The following DAAM2 variants were observed in gnomAD, a reference collection of about 807,000 sequenced individuals.
DAAM2 encodes dishevelled associated activator of morphogenesis 2.
Under a neutral mutation model 120.7 loss-of-function variants are expected in DAAM2, and 39 were observed. The ratio of observed to expected loss-of-function variants is 0.32; its 90% CI spans 0.25 to 0.42. The LOEUF is 0.42. DAAM2 is among the 10% of genes least tolerant of loss of function. The probability of loss-of-function intolerance (pLI) is 1.00; values close to 1 mark genes in which losing one functional copy is unlikely to be tolerated. For missense variants in DAAM2, 1,283 were observed against 1,401.7 expected (o/e 0.92, Z 1.35); for synonymous variants, 488 against 524.9 (o/e 0.93, Z 0.96).
intron 1 of DAAM2, among the ~76,000 whole-genome samples, chr6:39,818,070 T>C (rs1350527729): frequency 3.3e-5 from 5 of 151,412 alleles, no homozygotes; most frequent in Admixed American, 3.3e-4. Context: ...TCCTAGCTAT[T>C]TGGGAGGCTG....
chr6:39,833,192 T>A (rs1254398820), intron 1 of DAAM2, among the ~76,000 whole-genome samples: 1 of 152,210 alleles, frequency 6.6e-6, no homozygotes, highest in African/African-American at 2.4e-5. Context: ...GGAAGTGGAA[T>A]CCAGGGCATT....
chr6:39,842,858 A>G (rs1028905471), intron 1 of DAAM2, among the ~76,000 whole-genome samples: 3 of 151,836 alleles, frequency 2.0e-5, no homozygotes, highest in Non-Finnish European at 4.4e-5. Flanking sequence ...GGAGGTGGGC[A>G]TGAGATTGGG....
At position 39,856,007 on chromosome 6, in the gene DAAM2, T is replaced by C; in HGVS notation, c.-56-240T>C. 9 of 983,346 alleles carry C rather than the reference T, an allele frequency of 9.2e-6. No individual in the cohort carries two copies. In the South Asian group the frequency reaches 3.8e-4, roughly 41 times the overall value. The allele number at this position is 983,346 out of a possible 1,614,324, so 60.9% of individuals were successfully genotyped here. A position where few individuals can be genotyped will look rare whatever the true frequency, so the allele number is the denominator to read the frequency against. ...AAGGAAGGGGAATATGAAAGTGTCT[T>C]GGCAGATAACACTCAGAGGACATGG... On this transcript the variant is annotated intron_variant, in intron 1 of 24. Transcript: ENST00000274867.
At chr6:39,805,745 G>A (rs1375804014) in intron 1 of DAAM2, among the ~76,000 whole-genome samples, 2 of 152,020 alleles carry the variant, frequency 1.3e-5, no homozygotes, top group Non-Finnish European at 2.9e-5. Context: ...AGTAGAGACG[G>A]GGTTTCACCA....
At chr6:39,850,598 T>C (rs7767910) in intron 1 of DAAM2, among the ~76,000 whole-genome samples, 76,539 of 152,050 alleles carry the variant, frequency 0.5, 19,703 homozygotes, top group African/African-American at 0.62. Flanking sequence ...TCCTCAAACG[T>C]AGCCCTTTCA....
Position 39,897,099 on chromosome 6 carries a change from ACTCCATC to A in DAAM2, c.2511-72_2511-66del, listed in dbSNP as rs1766151436. The A allele has an allele frequency of 2.0e-6, 3 of 1,518,494 alleles. No individual in the cohort carries two copies. In the African/African-American group the frequency reaches 4.1e-5, roughly 21 times the overall value. 94.1% of individuals were successfully genotyped at this position (1,518,494 alleles called of 1,614,324 possible). A position where few individuals can be genotyped will look rare whatever the true frequency, so the allele number is the denominator to read the frequency against. On this transcript the variant is annotated intron_variant, in intron 20 of 24. Coordinates refer to ENST00000274867, the MANE Select transcript of DAAM2 (RefSeq NM_001201427.2). ...AGACTCATCACCCCTTTCTCTTAAC[ACTCCATC>A]CTCTGACCCTCTGACCCTCGTGCCC...
At chr6:39,823,223 G>A (rs1322657493) in intron 1 of DAAM2, 1 of 152,208 alleles carries the variant, frequency 6.6e-6, no homozygotes, top group Non-Finnish European at 1.5e-5. Flanking sequence ...CAAAGATTAA[G>A]AAAGGCTACA....
intron 19 of DAAM2, among the ~76,000 whole-genome samples, chr6:39,893,000 C>A (rs1477368864): frequency 6.6e-6 from 1 of 152,204 alleles, no homozygotes; most frequent in Non-Finnish European, 1.5e-5. Context: ...ATGGGTGAAT[C>A]CTTATCTTCT....
intron 1 of DAAM2, among the ~76,000 whole-genome samples, chr6:39,845,814 C>T (rs900047906): frequency 3.9e-5 from 6 of 152,102 alleles, no homozygotes; most frequent in Admixed American, 6.6e-5. Context: ...TTTGCCATCT[C>T]GTCTGCCTCT....
At chr6:39,882,091 T>A (rs1765145584) in intron 14 of DAAM2, 1 of 152,142 alleles carries the variant, frequency 6.6e-6, no homozygotes, top group Non-Finnish European at 1.5e-5. Flanking sequence ...GAAGGATATC[T>A]CCAGCGGGCA....
chr6:39,888,306 C>G (rs150118052), intron 16 of DAAM2: 465 of 160,690 alleles, frequency 2.9e-3, no homozygotes, highest in Middle Eastern at 6.1e-3. Flanking sequence ...TGCCGATAAT[C>G]CTGTCCTCCC....
intron 5 of DAAM2, 156 bp from the exon 6 acceptor site, chr6:39,867,354 T>C (rs1373483175): frequency 7.7e-6 from 5 of 645,824 alleles, no homozygotes; most frequent in Non-Finnish European, 1.3e-5. Flanking sequence ...GTGAAGATGA[T>C]AGGATTTCAC....
At chr6:39,855,018 T>G (rs1028029312) in intron 1 of DAAM2, among the ~76,000 whole-genome samples, 3 of 152,188 alleles carry the variant, frequency 2.0e-5, no homozygotes, top group Non-Finnish European at 4.4e-5. Flanking sequence ...CCAGGAGAAA[T>G]AGCTAAGAAT....
At chr6:39,892,975 T>A (rs1033303693) in intron 19 of DAAM2, among the ~76,000 whole-genome samples, 1 of 152,176 alleles carries the variant, frequency 6.6e-6, no homozygotes, top group Non-Finnish European at 1.5e-5. Flanking sequence ...TCTGGCCATA[T>A]CTCCTGCCCT....
intron 1 of DAAM2, among the ~76,000 whole-genome samples, chr6:39,800,017 T>A (rs1761812401): frequency 6.6e-6 from 1 of 152,236 alleles, no homozygotes; most frequent in Non-Finnish European, 1.5e-5. Context: ...AAGGTCATCC[T>A]TACACTGGAT....
intron 22 of DAAM2, 149 bp downstream of exon 22, chr6:39,899,086 T>C: frequency 1.5e-6 from 1 of 656,992 alleles, no homozygotes. Flanking sequence ...ACTGGATTAC[T>C]GGGGCTTAAG....
chr6:39,888,277 AATTGCCC>A (rs1320372196), intron 16 of DAAM2: 2 of 159,520 alleles, frequency 1.3e-5, no homozygotes, highest in African/African-American at 4.8e-5. Flanking sequence ...GGCAGCAGGA[AATTGCCC>A]TCTTAGTGGC....
intron 14 of DAAM2, among the ~76,000 whole-genome samples, chr6:39,881,170 G>C (rs1472151602): frequency 6.6e-6 from 1 of 152,212 alleles, no homozygotes; most frequent in South Asian, 2.1e-4. Flanking sequence ...TCTGGGTCCA[G>C]TAATAGTAAG....
chr6:39,796,190 G>A (rs1395198573), intron 1 of DAAM2, among the ~76,000 whole-genome samples: 1 of 152,212 alleles, frequency 6.6e-6, no homozygotes, highest in East Asian at 1.9e-4. Context: ...AACATCTGAT[G>A]TTAGAGAGCA....
Sources: allele counts gnomAD v4.1 joint callset (sites outside exome capture counted in the v4.1 genomes callset), GRCh38; gene constraint gnomAD v4.1.1; transcripts MANE v1.5; gene names NCBI Gene and HGNC (gene_info 2026-07-23, HGNC 2026-07-21).